RBFOX1: variants seen among roughly 807,000 people sequenced by gnomAD.
RBFOX1 encodes RNA binding fox-1 homolog 1.
RBFOX1 carries 8 observed loss-of-function variants against 57.7 expected under a neutral mutation model. The ratio of observed to expected loss-of-function variants is 0.14; its 90% CI spans 0.08 to 0.25. The LOEUF (loss-of-function observed/expected upper bound fraction) is 0.25. Ranked by LOEUF, RBFOX1 falls within the 10% of genes least tolerant of loss-of-function variation. The pLI, the probability that RBFOX1 is intolerant of heterozygous loss-of-function variation, is 1.00. For missense variants in RBFOX1, 611 were observed against 548.5 expected (o/e 1.11, Z -1.14); for synonymous variants, 326 against 222.4 (o/e 1.47, Z -4.15).
intron 3 of RBFOX1, among the ~76,000 whole-genome samples, chr16:7,024,395 G>T (rs937148652): frequency 6.6e-6 from 1 of 152,086 alleles, no homozygotes; most frequent in African/African-American, 2.4e-5. Context: ...GATGCCTAAA[G>T]CAGTTTTAGC....
chr16:6,677,907 C>G (rs760782773), intron 3 of RBFOX1, among the ~76,000 whole-genome samples: 1 of 152,062 alleles, frequency 6.6e-6, no homozygotes, highest in East Asian at 1.9e-4. Flanking sequence ...TTGTTTATTA[C>G]TAAAGTGATT....
At chr16:6,759,197 C>G (rs1465095710) in intron 3 of RBFOX1, among the ~76,000 whole-genome samples, 1 of 150,132 alleles carries the variant, frequency 6.7e-6, no homozygotes, top group Non-Finnish European at 1.5e-5. Flanking sequence ...GTTGCCCAGG[C>G]TGGAGTGCAG....
intron 1 of RBFOX1, among the ~76,000 whole-genome samples, chr16:6,065,508 CCT>C (rs1275019826): frequency 6.6e-6 from 1 of 152,148 alleles, no homozygotes; most frequent in African/African-American, 2.4e-5. Flanking sequence ...TCCACTCAGT[CCT>C]CTGTCTGTTT....
chr16:5,526,672 C>G (rs560859170), intron 2 of RBFOX1, among the ~76,000 whole-genome samples: 1 of 152,158 alleles, frequency 6.6e-6, no homozygotes, highest in African/African-American at 2.4e-5. Context: ...CATCCCAGCC[C>G]AGGTCTGTTA....
intron 14 of RBFOX1, among the ~76,000 whole-genome samples, chr16:7,680,150 T>C (rs1165327691): frequency 6.6e-6 from 1 of 152,172 alleles, no homozygotes; most frequent in African/African-American, 2.4e-5. Flanking sequence ...GTCCATCACA[T>C]CAGCTTGATG....
intron 2 of RBFOX1, among the ~76,000 whole-genome samples, chr16:6,634,164 G>C (rs564857009): frequency 6.6e-6 from 1 of 152,180 alleles, no homozygotes. Context: ...TGGAGGTTCA[G>C]AATGGGTAGA....
intron 3 of RBFOX1, among the ~76,000 whole-genome samples, chr16:6,736,695 A>C (rs1032513173): frequency 2.6e-5 from 4 of 152,236 alleles, no homozygotes; most frequent in Admixed American, 6.5e-5. Context: ...TTGCTGGATC[A>C]AATGGTAGTT....
At position 6,797,231 on chromosome 16, in the gene RBFOX1, C is replaced by G. The variant is rs370037879; in HGVS notation, c.-16+142581C>G. On this transcript the variant is annotated intron_variant, in intron 3 of 15. Coordinates refer to ENST00000550418, the MANE Select transcript of RBFOX1 (RefSeq NM_018723.4). Reference sequence around the variant, plus strand: ...AAGGAATCTGTCCAAATTGGCCGTGCCTTTGATGGATATTGTTATTCCCCC... The same window carrying G: ...AAGGAATCTGTCCAAATTGGCCGTGGCTTTGATGGATATTGTTATTCCCCC... 1.4e-4 allele frequency among the ~76,000 whole-genome samples: 21 copies of G among 152,192 alleles called. 1 individual carries two copies. The highest frequency in any genetic ancestry group is 5.1e-4 in the African/African-American group (21 of 41,522).
intron 1 of RBFOX1, among the ~76,000 whole-genome samples, chr16:5,241,855 C>T (rs866010953): frequency 2.0e-5 from 3 of 151,962 alleles, no homozygotes; most frequent in Admixed American, 6.6e-5. Context: ...AATTCCAGCA[C>T]TTTGAGAGGC....
chr16:6,520,890 G>GAA (rs145315903), intron 2 of RBFOX1, among the ~76,000 whole-genome samples: 1 of 152,006 alleles, frequency 6.6e-6, no homozygotes, highest in Admixed American at 6.6e-5. Context: ...GTTGCTGAGA[G>GAA]AAAAAAATCC....
At chr16:6,180,429 A>G (rs1441551931) in intron 1 of RBFOX1, among the ~76,000 whole-genome samples, 2 of 150,798 alleles carry the variant, frequency 1.3e-5, no homozygotes, top group Non-Finnish European at 2.9e-5. Context: ...TCCATAAGAT[A>G]CCCTTATAAT....
At chr16:5,669,878 T>G (rs2049964757) in intron 3 of RBFOX1, among the ~76,000 whole-genome samples, 1 of 152,230 alleles carries the variant, frequency 6.6e-6, no homozygotes, top group Non-Finnish European at 1.5e-5. Flanking sequence ...AAAAGATTTG[T>G]ACATGAATGT....
At chr16:7,128,814 T>C (rs1271489414) in intron 4 of RBFOX1, among the ~76,000 whole-genome samples, 1 of 128,138 alleles carries the variant, frequency 7.8e-6, no homozygotes, top group Non-Finnish European at 1.6e-5. Flanking sequence ...TTTTTTTCTT[T>C]TTACTTTTTT....
intron 2 of RBFOX1, among the ~76,000 whole-genome samples, chr16:6,521,485 C>A (rs1015824082): frequency 2.0e-5 from 3 of 146,580 alleles, no homozygotes; most frequent in African/African-American, 7.6e-5. Context: ...CTTCCTCTCC[C>A]CTCTCCTCCC....
At chr16:7,233,365 C>A (rs1285460654) in intron 4 of RBFOX1, among the ~76,000 whole-genome samples, 5 of 152,136 alleles carry the variant, frequency 3.3e-5, no homozygotes, top group Admixed American at 3.3e-4. Flanking sequence ...ACATGTTATT[C>A]ACGTGCTTCC....
At chr16:5,568,422 T>A (rs954183758) in intron 2 of RBFOX1, among the ~76,000 whole-genome samples, 1 of 152,210 alleles carries the variant, frequency 6.6e-6, no homozygotes, top group Non-Finnish European at 1.5e-5. Flanking sequence ...TGTGATCCCT[T>A]CCCTCAAAGC....
intron 3 of RBFOX1, among the ~76,000 whole-genome samples, chr16:5,663,127 G>A (rs752286298): frequency 6.6e-6 from 1 of 152,142 alleles, no homozygotes; most frequent in Non-Finnish European, 1.5e-5. Context: ...ACCGTACAAC[G>A]CATAGGACAG....
At chr16:6,371,958 C>G (rs1302408576) in intron 2 of RBFOX1, among the ~76,000 whole-genome samples, 2 of 152,234 alleles carry the variant, frequency 1.3e-5, no homozygotes, top group East Asian at 1.9e-4. Context: ...TTTTTGTCAT[C>G]TTTGTATCCC....
chr16:6,666,555 A>C (rs1370725297), intron 3 of RBFOX1, among the ~76,000 whole-genome samples: 5 of 151,362 alleles, frequency 3.3e-5, no homozygotes, highest in Non-Finnish European at 7.4e-5. Context: ...AAAAAAAAAA[A>C]AAACAAATCA....
Sources: allele counts gnomAD v4.1 joint callset (sites outside exome capture counted in the v4.1 genomes callset), GRCh38; gene constraint gnomAD v4.1.1; transcripts MANE v1.5; gene names NCBI Gene and HGNC (gene_info 2026-07-23, HGNC 2026-07-21).